Variants in GSE1 observed in about 807,000 individuals in gnomAD.
GSE1 encodes Gse1 coiled-coil protein.
GSE1 carries 32 observed loss-of-function variants against 112.6 expected under a neutral mutation model. That is an observed-to-expected ratio of 0.28 (90% CI 0.21 to 0.38). The LOEUF is 0.38. GSE1 is among the 10% of genes least tolerant of loss of function. The pLI is 1.00. For synonymous variants in GSE1, 1,115 were observed against 735.6 expected (o/e 1.52, Z -8.35); for missense variants, 2,348 against 1,699.2 (o/e 1.38, Z -6.71).
chr16:85,319,804 T>C (rs1025724234), intron 1 of GSE1, among the ~76,000 whole-genome samples: 43 of 152,218 alleles, frequency 2.8e-4, no homozygotes, highest in African/African-American at 1.0e-3. Flanking sequence ...TTTGAAGGCC[T>C]TCTCACAAAT....
chr16:85,577,453 G>A (rs1226788191), intron 1 of GSE1, among the ~76,000 whole-genome samples: 1 of 152,136 alleles, frequency 6.6e-6, no homozygotes, highest in African/African-American at 2.4e-5. Flanking sequence ...CCAGCAGCTG[G>A]AGGACATCCA....
At chr16:85,341,924 C>T (rs1597439852) in intron 1 of GSE1, among the ~76,000 whole-genome samples, 1 of 152,142 alleles carries the variant, frequency 6.6e-6, no homozygotes, top group Non-Finnish European at 1.5e-5. Flanking sequence ...GCCTCAGTCC[C>T]TGGGCCTTTG....
At chr16:85,242,371 C>G (rs1905237212) in intron 1 of GSE1, among the ~76,000 whole-genome samples, 1 of 152,220 alleles carries the variant, frequency 6.6e-6, no homozygotes, top group African/African-American at 2.4e-5. Flanking sequence ...CCCGCACCCC[C>G]ATGCAGGAAG....
At chr16:85,194,805 G>A (rs1044763319) in intron 1 of GSE1, among the ~76,000 whole-genome samples, 1 of 152,186 alleles carries the variant, frequency 6.6e-6, no homozygotes, top group Non-Finnish European at 1.5e-5. Context: ...CTGAAGTTCT[G>A]CTGCCAAGGT....
At chr16:85,493,329 T>C (rs538995205) in intron 2 of GSE1, among the ~76,000 whole-genome samples, 1 of 152,102 alleles carries the variant, frequency 6.6e-6, no homozygotes, top group East Asian at 1.9e-4. Context: ...ACATCTGTAG[T>C]CTTCTACTTG....
Position 85,265,558 on chromosome 16 carries a change from A to G in GSE1, c.2284-91905A>G, listed in dbSNP as rs182823416. Among the ~76,000 whole-genome samples, 527 of 152,218 alleles carry G rather than the reference A, an allele frequency of 3.5e-3. 3 individuals carry two copies. The highest frequency in any genetic ancestry group is 0.017 in the Middle Eastern group (5 of 292). On this transcript the variant is annotated intron_variant, in intron 1 of 2. Transcript: ENST00000637419. ...AGACCCCTCCTTTGTCCCCTGGTCA[A>G]ACTCCTCATCTCGGGCATAACCTCC... is the stretch of plus-strand genomic sequence containing the variant.
intron 1 of GSE1, among the ~76,000 whole-genome samples, chr16:85,180,872 T>A (rs1216731118): frequency 6.6e-6 from 1 of 152,212 alleles, no homozygotes; most frequent in African/African-American, 2.4e-5. Context: ...AAAAGCTTCC[T>A]CTTCTGGAAT....
At chr16:85,358,452 C>A (rs1041269372) in intron 2 of GSE1, among the ~76,000 whole-genome samples, 1 of 152,214 alleles carries the variant, frequency 6.6e-6, no homozygotes, top group African/African-American at 2.4e-5. Context: ...GCCCCCACAG[C>A]ACGGGAGACT....
At chr16:85,235,571 GT>G (rs199922005) in intron 1 of GSE1, among the ~76,000 whole-genome samples, 8,363 of 63,638 alleles carry the variant, frequency 0.13, 707 homozygotes, top group South Asian at 0.26. Flanking sequence ...ATGTGTGTGT[GT>G]GGGTGGGGGG....
intron 2 of GSE1, among the ~76,000 whole-genome samples, chr16:85,381,142 G>A (rs1337433909): frequency 6.6e-6 from 1 of 152,104 alleles, no homozygotes; most frequent in Non-Finnish European, 1.5e-5. Flanking sequence ...GGCAACCATC[G>A]ATCTACTTTC....
chr16:85,528,200 G>A (rs1023318938), intron 2 of GSE1, among the ~76,000 whole-genome samples: 38 of 152,352 alleles, frequency 2.5e-4, no homozygotes, highest in Non-Finnish European at 5.9e-5. Context: ...TGAGGGCCTC[G>A]AACAAACAGA....
chr16:85,350,021 C>T lies in GSE1; in HGVS notation c.2284-7442C>T, dbSNP rs922087606. Among the ~76,000 whole-genome samples, 7 of 152,332 alleles carry T rather than the reference C, an allele frequency of 4.6e-5. No homozygotes were observed. In the South Asian group the frequency reaches 1.4e-3, roughly 32 times the overall value. ...CATGCTGGCCTGCATTCTCGGCTCT[C>T]ACTGTGACCAGCTGGGTGACGTTGG... On this transcript the variant is annotated intron_variant, in intron 1 of 2. Coordinates refer to the GSE1 transcript ENST00000637419.
chr16:85,246,363 ACACACCACACGCTGTCTACACACACACC>A, intron 1 of GSE1, among the ~76,000 whole-genome samples: 1 of 123,546 alleles, frequency 8.1e-6, no homozygotes, highest in African/African-American at 3.3e-5. Flanking sequence ...ACACACACAC[ACACACCACACGCTGTCTACACACACACC>A]CCACACGCTG....
chr16:85,288,064 A>C (rs776118288), intron 1 of GSE1, among the ~76,000 whole-genome samples: 4 of 152,138 alleles, frequency 2.6e-5, no homozygotes, highest in Admixed American at 6.5e-5. Context: ...ACATGATGAA[A>C]CCTTATCTCT....
At chr16:85,245,645 A>C (rs1442746873) in intron 1 of GSE1, among the ~76,000 whole-genome samples, 1 of 152,190 alleles carries the variant, frequency 6.6e-6, no homozygotes, top group Non-Finnish European at 1.5e-5. Context: ...TAACTCTTAA[A>C]ATAGTCCTTA....
At chr16:85,587,495 C>A (rs1243770233) in intron 1 of GSE1, among the ~76,000 whole-genome samples, 3 of 152,036 alleles carry the variant, frequency 2.0e-5, no homozygotes, top group Non-Finnish European at 4.4e-5. Flanking sequence ...GGGGGAGGGA[C>A]ACCGTGCACC....
At chr16:85,304,458 C>T (rs971310446) in intron 1 of GSE1, among the ~76,000 whole-genome samples, 1 of 152,214 alleles carries the variant, frequency 6.6e-6, no homozygotes, top group African/African-American at 2.4e-5. Context: ...GGGTAGCCCG[C>T]CCGCCAGGGG....
intron 1 of GSE1, among the ~76,000 whole-genome samples, chr16:85,221,630 G>A (rs117554514): frequency 6.6e-6 from 1 of 152,158 alleles, no homozygotes; most frequent in South Asian, 2.1e-4. Flanking sequence ...ATCCCCTGAC[G>A]AGGCCAGGAC....
At chr16:85,332,856 C>T (rs973269239) in intron 1 of GSE1, among the ~76,000 whole-genome samples, 34 of 152,098 alleles carry the variant, frequency 2.2e-4, no homozygotes, top group Admixed American at 1.6e-3. Context: ...GGGGCCAGGC[C>T]GTGTGCTGGC....
Sources: gnomAD v4.1 joint callset for allele counts (sites outside exome capture counted in the v4.1 genomes callset) on GRCh38, gnomAD v4.1.1 for gene constraint, MANE v1.5 for transcripts, NCBI Gene and HGNC (gene_info 2026-07-23, HGNC 2026-07-21) for gene names.